Variants in COL23A1 observed in about 807,000 individuals in gnomAD.
COL23A1 encodes the protein collagen alpha-1(XXIII) chain.
Under a neutral mutation model 99.3 loss-of-function variants are expected in COL23A1, and 97 were observed. The ratio of observed to expected loss-of-function variants is 0.98; its 90% CI spans 0.83 to 1.16. The LOEUF (loss-of-function observed/expected upper bound fraction) is 1.16, where lower values mean the gene tolerates loss of function less well. COL23A1 is among the 50% of genes most tolerant of loss of function. The pLI is 0.00. For synonymous variants in COL23A1, 320 were observed against 308.2 expected (o/e 1.04, Z -0.40); for missense variants, 762 against 757.4 (o/e 1.01, Z -0.07).
intron 2 of COL23A1, among the ~76,000 whole-genome samples, chr5:178,315,344 G>A (rs1561854138): frequency 6.6e-6 from 1 of 152,104 alleles, no homozygotes; most frequent in Non-Finnish European, 1.5e-5. Context: ...ACCTGCTGAC[G>A]GGCTGAGCCC....
chr5:178,290,422 C>T (rs1301258624), intron 3 of COL23A1, 53 bp from the exon 4 acceptor site: 12 of 1,613,300 alleles, frequency 7.4e-6, no homozygotes, highest in African/African-American at 2.7e-5. Context: ...AGAGTCCCCT[C>T]GCCTGTCCTC....
rs904257705 is a variant in COL23A1, at chr5:178,280,009, C to G, written c.441+8315G>C. Among the ~76,000 whole-genome samples the G allele has an allele frequency of 6.6e-6, 1 of 152,260 alleles. No individual in the cohort carries two copies. The highest frequency in any genetic ancestry group is 1.5e-5 in the Non-Finnish European group (1 of 68,044). On this transcript the variant is annotated intron_variant, in intron 5 of 28. Coordinates refer to ENST00000390654, the MANE Select transcript of COL23A1 (RefSeq NM_173465.4). This position sits in a 1 kb window ranked among gnomAD's most constrained non-coding sequence, Gnocchi z 4.9. The stretch of plus-strand genomic sequence containing the variant: ...GGATGTGTTTCCTGCTACCGTATCC[C>G]AAATGCCGAAGCGCCTCGTACATAA...
At chr5:178,289,438 G>T (rs1561830086) in intron 4 of COL23A1, among the ~76,000 whole-genome samples, 1 of 152,268 alleles carries the variant, frequency 6.6e-6, no homozygotes, top group East Asian at 1.9e-4. Context: ...AAGTTCAAGG[G>T]AGCTGCCCAG....
At chr5:178,259,219 T>C (rs1400436591) in intron 12 of COL23A1, among the ~76,000 whole-genome samples, 1 of 152,068 alleles carries the variant, frequency 6.6e-6, no homozygotes, top group Non-Finnish European at 1.5e-5. Context: ...GTGTGCCTGC[T>C]GGCCTTGGAG....
intron 2 of COL23A1, among the ~76,000 whole-genome samples, chr5:178,349,369 G>A (rs137960453): frequency 6.6e-6 from 1 of 152,184 alleles, no homozygotes; most frequent in Non-Finnish European, 1.5e-5. Context: ...GGGTGCCCAG[G>A]AGAATCACAC....
chr5:178,300,256 TC>T (rs200985099), intron 3 of COL23A1, among the ~76,000 whole-genome samples: 172 of 147,334 alleles, frequency 1.2e-3, no homozygotes, highest in Non-Finnish European at 1.2e-3. Context: ...TTTTTTTTTT[TC>T]AGTAGAGACC....
At chr5:178,520,709 G>A (rs925629618) in intron 2 of COL23A1, among the ~76,000 whole-genome samples, 15 of 152,330 alleles carry the variant, frequency 9.8e-5, no homozygotes, top group African/African-American at 3.1e-4. Flanking sequence ...GTTTCCATCT[G>A]TAAAATGAGG....
chr5:178,244,078 C>T (rs1388826001), intron 25 of COL23A1, among the ~76,000 whole-genome samples: 1 of 152,154 alleles, frequency 6.6e-6, no homozygotes, highest in African/African-American at 2.4e-5. Flanking sequence ...CTCCTGGGCT[C>T]ATGCCATCCT....
Position 178,239,148 on chromosome 5 carries a change from C to G in COL23A1, c.1613G>C (p.Trp538Ser). ...GPDGLPVPGCWHK is the reference protein window; with the variant it reads ...GPDGLPVPGCSHK ...GACTTCCCTGCACGGTACCTTATGC[C>G]AGCAGCCAGGCACAGGCAGCCCGTC... Residue 538 changes from tryptophan (W) to serine (S), a missense_variant, in exon 28 of 29, where the codon TGG (tryptophan) becomes TCG (serine). Coordinates refer to ENST00000390654, the MANE Select transcript of COL23A1 (RefSeq NM_173465.4). The G allele has an allele frequency of 6.2e-7, 1 of 1,614,064 alleles. No homozygotes were observed. The highest frequency in any genetic ancestry group is 8.5e-7 in the Non-Finnish European group (1 of 1,179,968).
At position 178,246,313 on chromosome 5, in the gene COL23A1, T is replaced by C; in HGVS notation, c.1360-6A>G. The C allele has an allele frequency of 1.3e-6, 2 of 1,556,900 alleles. No homozygotes were observed. Among genetic ancestry groups the C allele is most frequent in the Non-Finnish European group, 1.7e-6 (2 of 1,149,458 alleles). On this transcript the variant is annotated splice_region_variant and splice_polypyrimidine_tract_variant and intron_variant, in intron 23 of 28. Transcript: ENST00000390654. ...CCCGGTGGGCCAACTGGCCCCTGGA[T>C]AGAAAAGGAATGAGTCAAGAGGCAT...
chr5:178,584,997 CA>C (rs1763853105), intron 1 of COL23A1, among the ~76,000 whole-genome samples: 1 of 152,172 alleles, frequency 6.6e-6, no homozygotes, highest in South Asian at 2.1e-4. Context: ...AGCATCTGCT[CA>C]AGGGTTAAAG....
chr5:178,571,571 T>G (rs1763097125), intron 1 of COL23A1, among the ~76,000 whole-genome samples: 1 of 148,376 alleles, frequency 6.7e-6, no homozygotes, highest in African/African-American at 2.6e-5. Flanking sequence ...CAGCATCTCA[T>G]GAGGTAAAAG....
intron 2 of COL23A1, among the ~76,000 whole-genome samples, chr5:178,445,213 C>A (rs536319703): frequency 6.6e-6 from 1 of 152,134 alleles, no homozygotes; most frequent in Non-Finnish European, 1.5e-5. Flanking sequence ...ATTTAAGAAT[C>A]TTTCCTTTTC....
chr5:178,274,875 C>T (rs1238336045), intron 5 of COL23A1, among the ~76,000 whole-genome samples: 6 of 152,242 alleles, frequency 3.9e-5, no homozygotes, highest in Admixed American at 1.3e-4. Flanking sequence ...TTGAATCCAC[C>T]AGAGGTTTTC....
At chr5:178,250,223 T>A in intron 17 of COL23A1, 118 bp from the exon 18 acceptor site, 1 of 1,138,558 alleles carries the variant, frequency 8.8e-7, no homozygotes. Context: ...CAGTTGGACC[T>A]CTAGCTGTGC....
chr5:178,332,408 G>C (rs573141179), intron 2 of COL23A1, among the ~76,000 whole-genome samples: 2 of 152,328 alleles, frequency 1.3e-5, no homozygotes, highest in African/African-American at 4.8e-5. Context: ...GCAGCTTCCA[G>C]ATCTGGCAGG....
rs72808874 is a variant in COL23A1, at chr5:178,468,625, G to A, written c.361+92057C>T. 1.3e-5 allele frequency among the ~76,000 whole-genome samples: 2 copies of A among 152,214 alleles called. No homozygotes were observed. Among genetic ancestry groups the A allele is most frequent in the Non-Finnish European group, 2.9e-5 (2 of 68,016 alleles). On this transcript the variant is annotated intron_variant, in intron 2 of 28. Transcript: ENST00000390654. The surrounding 1 kb of genome is among the most constrained non-coding windows in gnomAD (Gnocchi z 4.2). ...CCCTCCCCTCGAGTCCCCCCAGGCA[G>A]CCTGGAGGGAAGGGCCGGGTCCGAG...
In COL23A1 at chr5:178,255,763, C is replaced by T; in HGVS notation, c.882+590G>A. ...TGCCTGGCTCACTGGCTGCCTAATC[C>T]AACCCCCTCCCGCTCCCCACCACCT... On this transcript the variant is annotated intron_variant, in intron 15 of 28. Transcript: ENST00000390654. The surrounding 1 kb of genome is among the most constrained non-coding windows in gnomAD (Gnocchi z 4.2). The T allele has an allele frequency of 3.1e-6, 1 of 320,480 alleles. No individual in the cohort carries two copies. The highest frequency in any genetic ancestry group is 6.5e-6 in the Non-Finnish European group (1 of 152,716). The allele number at this position is 320,480 out of a possible 1,614,324, so 19.9% of individuals were successfully genotyped here.
intron 2 of COL23A1, among the ~76,000 whole-genome samples, chr5:178,367,842 C>T (rs1340968808): frequency 6.6e-6 from 1 of 152,262 alleles, no homozygotes; most frequent in Non-Finnish European, 1.5e-5. Context: ...GAGGTACGGG[C>T]TGCCACCCTT....
Sources: gnomAD v4.1 joint callset for allele counts (sites outside exome capture counted in the v4.1 genomes callset) on GRCh38, gnomAD v4.1.1 for gene constraint, Gnocchi (gnomAD v3.1) non-coding constraint, MANE v1.5 for transcripts, NCBI Gene and HGNC (gene_info 2026-07-23, HGNC 2026-07-21) for gene names.